The following RPS6KA5 variants were observed in gnomAD, a reference collection of about 807,000 sequenced individuals.
The protein encoded by RPS6KA5 is ribosomal protein S6 kinase alpha-5.
In RPS6KA5, 27 loss-of-function variants were observed where a neutral mutation model predicts 85.5. The observed-to-expected ratio is 0.32, with a 90% CI of 0.23 to 0.44. RPS6KA5 has a LOEUF of 0.44. Ranked by LOEUF, RPS6KA5 falls within the 20% of genes least tolerant of loss-of-function variation. The pLI is 1.00. For synonymous variants in RPS6KA5, 334 were observed against 348.2 expected, an observed-to-expected ratio of 0.96 and a Z score of 0.46; for missense variants, 811 against 980.9, an observed-to-expected ratio of 0.83 and a Z score of 2.31.
At chr14:90,908,888 T>C (rs1188759613) in intron 7 of RPS6KA5, among the ~76,000 whole-genome samples, 1 of 152,182 alleles carries the variant, frequency 6.6e-6, no homozygotes, top group Admixed American at 6.5e-5. Flanking sequence ...GAGCTTCCCA[T>C]GCTGGGGTGG....
intron 14 of RPS6KA5, among the ~76,000 whole-genome samples, chr14:90,889,531 C>T (rs1165800013): frequency 1.3e-5 from 2 of 152,102 alleles, no homozygotes; most frequent in East Asian, 1.9e-4. Context: ...GAAAGTTGTG[C>T]ATACCCTTCT....
intron 3 of RPS6KA5, among the ~76,000 whole-genome samples, chr14:90,967,129 C>T (rs947604554): frequency 6.6e-6 from 1 of 152,180 alleles, no homozygotes; most frequent in East Asian, 1.9e-4. Flanking sequence ...CATTTATCAT[C>T]CCATTGAAAT....
intron 5 of RPS6KA5, among the ~76,000 whole-genome samples, chr14:90,934,285 TG>T (rs2037147126): frequency 6.6e-6 from 1 of 152,028 alleles, no homozygotes; most frequent in African/African-American, 2.4e-5. Context: ...ATGTGAAGAG[TG>T]GGCACATAAA....
At chr14:90,998,564 T>C (rs1366003593) in intron 2 of RPS6KA5, among the ~76,000 whole-genome samples, 1 of 152,272 alleles carries the variant, frequency 6.6e-6, no homozygotes, top group South Asian at 2.1e-4. Flanking sequence ...CCCCTTTGAG[T>C]AGATATTGCC....
intron 5 of RPS6KA5, among the ~76,000 whole-genome samples, chr14:90,924,828 A>G (rs546297390): frequency 1.3e-5 from 2 of 152,348 alleles, no homozygotes; most frequent in African/African-American, 4.8e-5. Context: ...AGGAATCCCA[A>G]TAGTAACTCA....
intron 9 of RPS6KA5, among the ~76,000 whole-genome samples, chr14:90,902,583 T>C (rs997537393): frequency 2.0e-5 from 3 of 152,218 alleles, no homozygotes; most frequent in African/African-American, 7.2e-5. Flanking sequence ...AGGTATAAAA[T>C]TAAAACTTCC....
chr14:90,972,360 A>T (rs1193864706), intron 3 of RPS6KA5, among the ~76,000 whole-genome samples: 2 of 152,252 alleles, frequency 1.3e-5, no homozygotes, highest in Non-Finnish European at 2.9e-5. Context: ...AACCTTACCA[A>T]GAATTAAAAT....
At chr14:90,990,528 A>G (rs1308164516) in intron 2 of RPS6KA5, among the ~76,000 whole-genome samples, 2 of 152,240 alleles carry the variant, frequency 1.3e-5, no homozygotes, top group African/African-American at 4.8e-5. Context: ...ATTACTGGGT[A>G]TATACACAAA....
rs1457198057 is a variant in RPS6KA5, at chr14:90,863,602, AG to A, written c.*8471del. 2.0e-5 allele frequency: 3 copies of A among 151,986 alleles called. No individual in the cohort carries two copies. Among genetic ancestry groups the A allele is most frequent in the Non-Finnish European group, 4.4e-5 (3 of 67,974 alleles). 9.4% of individuals were successfully genotyped at this position (151,986 alleles called of 1,614,324 possible). On this transcript the variant is annotated 3_prime_UTR_variant, in exon 17 of 17. Coordinates refer to ENST00000614987, the MANE Select transcript of RPS6KA5 (RefSeq NM_004755.4). Reference sequence around the variant, plus strand: ...GAATTTAACAAGGTTTCTAAGTGAAAGGGTAATATACCAAAAAAACTATATT... The same window carrying A: ...GAATTTAACAAGGTTTCTAAGTGAAAGGTAATATACCAAAAAAACTATATT...
At chr14:91,010,095 C>A (rs2041194343) in intron 1 of RPS6KA5, among the ~76,000 whole-genome samples, 1 of 149,918 alleles carries the variant, frequency 6.7e-6, no homozygotes, top group African/African-American at 2.5e-5. Flanking sequence ...AGCCAGATTT[C>A]AAAAAGCATA....
intron 9 of RPS6KA5, among the ~76,000 whole-genome samples, chr14:90,901,375 G>A (rs887054789): frequency 6.6e-6 from 1 of 152,100 alleles, no homozygotes; most frequent in South Asian, 2.1e-4. Context: ...ACCAGACCCA[G>A]CCACAAAGTG....
intron 3 of RPS6KA5, among the ~76,000 whole-genome samples, chr14:90,977,864 G>A (rs1321524434): frequency 6.6e-6 from 1 of 152,160 alleles, no homozygotes. Context: ...AGAGCAGGCT[G>A]GCCAATATGG....
rs112204628 is a variant in RPS6KA5 at position 90,954,703 on chromosome 14, C to T, written c.395-7153G>A. The stretch of plus-strand genomic sequence containing the variant: ...TGCTGGGATTGCAGGCATGAGCCAC[C>T]GTACTAGGCCTGTGGGTAGTGGTGG... On this transcript the variant is annotated intron_variant, in intron 3 of 16. Coordinates refer to ENST00000614987, the MANE Select transcript of RPS6KA5 (RefSeq NM_004755.4). Among the ~76,000 whole-genome samples the T allele has an allele frequency of 5.2e-3, 799 of 152,292 alleles. 8 individuals carry two copies. Among genetic ancestry groups the T allele is most frequent in the African/African-American group, 0.016 (684 of 41,564 alleles).
chr14:90,849,264 C>G lies in RPS6KA5; in HGVS notation c.*22810G>C, dbSNP rs114429496. On this transcript the variant is annotated 3_prime_UTR_variant, in exon 17 of 17. Transcript: ENST00000614987. ...AACAGAAAGGTTACAAGGCCACCTT[C>G]GCAACCAGCCCTTTGAAACTGGAAA... 1.3e-5 allele frequency: 2 copies of G among 152,200 alleles called. No homozygotes were observed. Among genetic ancestry groups the G allele is most frequent in the Admixed American group, 1.3e-4 (2 of 15,284 alleles). 9.4% of individuals were successfully genotyped at this position (152,200 alleles called of 1,614,324 possible). A position where few individuals can be genotyped will look rare whatever the true frequency, so the allele number is the denominator to read the frequency against.
At chr14:90,907,822 C>G (rs1315609443) in intron 7 of RPS6KA5, among the ~76,000 whole-genome samples, 1 of 152,186 alleles carries the variant, frequency 6.6e-6, no homozygotes, top group Admixed American at 6.5e-5. Context: ...AGATCAGACA[C>G]AAGCATGTCT....
rs762322464 is a variant in RPS6KA5 at position 90,902,944 on chromosome 14, G to A, written c.983C>T (p.Ala328Val). The A allele has an allele frequency of 3.1e-6, 5 of 1,612,196 alleles. No individual in the cohort carries two copies. The African/African-American group carries it at 4.0e-5, about 13-fold the overall frequency. ...CTTAAATGGTGCAGGCACTTTTTTG[G>A]CGGCTAAATCATCCCAATTTATTTT... Reference protein sequence around the residue: ...FQKINWDDLAAKKVPAPFKPV... With the variant: ...FQKINWDDLAVKKVPAPFKPV... The change falls in exon 9 of 17, where the codon GCC becomes GTC. Residue 328 changes from alanine to valine, a missense_variant. Coordinates refer to ENST00000614987, the MANE Select transcript of RPS6KA5 (RefSeq NM_004755.4).
chr14:90,925,237 C>T (rs142017227), intron 5 of RPS6KA5, among the ~76,000 whole-genome samples: 54 of 152,248 alleles, frequency 3.5e-4, no homozygotes, highest in African/African-American at 1.2e-3. Context: ...AATCCAGAAA[C>T]TTGAGTTTTA....
chr14:90,958,265 T>C (rs1419817917), intron 3 of RPS6KA5, among the ~76,000 whole-genome samples: 1 of 152,238 alleles, frequency 6.6e-6, no homozygotes, highest in Non-Finnish European at 1.5e-5. Flanking sequence ...GCTTGGATTT[T>C]TATTTGGAAA....
At chr14:90,950,480 G>A (rs1256021596) in intron 3 of RPS6KA5, among the ~76,000 whole-genome samples, 1 of 152,166 alleles carries the variant, frequency 6.6e-6, no homozygotes, top group Non-Finnish European at 1.5e-5. Flanking sequence ...ATATTAGGGG[G>A]AAAGCATTCA....
Sources: allele counts gnomAD v4.1 joint callset (sites outside exome capture counted in the v4.1 genomes callset), GRCh38; gene constraint gnomAD v4.1.1; transcripts MANE v1.5; gene names NCBI Gene and HGNC (gene_info 2026-07-23, HGNC 2026-07-21).